Variants in PALM2AKAP2 observed in about 807,000 individuals in gnomAD.
PALM2AKAP2 encodes the protein PALM2-AKAP2 fusion protein.
A neutral mutation model predicts 71.5 loss-of-function variants in PALM2AKAP2; 37 were observed. The observed-to-expected ratio is 0.52, with a 90% CI of 0.40 to 0.68. The LOEUF (loss-of-function observed/expected upper bound fraction) is 0.68. PALM2AKAP2 is among the 30% of genes least tolerant of loss of function. The pLI, the probability that PALM2AKAP2 is intolerant of heterozygous loss-of-function variation, is 0.00. For missense variants in PALM2AKAP2, 1,224 were observed against 1,191.8 expected (o/e 1.03, Z -0.40); for synonymous variants, 468 against 478.8 (o/e 0.98, Z 0.29).
At chr9:109,827,437 C>T (rs927895624) in intron 1 of PALM2AKAP2, among the ~76,000 whole-genome samples, 3 of 152,010 alleles carry the variant, frequency 2.0e-5, no homozygotes, top group Non-Finnish European at 4.4e-5. Context: ...GGTGAAACCC[C>T]TTCCCTACTC....
At chr9:110,162,912 A>T (rs191846973) in intron 3 of PALM2AKAP2, among the ~76,000 whole-genome samples, 1 of 151,462 alleles carries the variant, frequency 6.6e-6, no homozygotes, top group African/African-American at 2.4e-5. Flanking sequence ...GGGTCTCGCT[A>T]TGTTGCCCAG....
intron 1 of PALM2AKAP2, chr9:110,125,518 G>A: frequency 2.0e-6 from 2 of 985,584 alleles, no homozygotes; most frequent in Non-Finnish European, 2.4e-6. Context: ...TGTCCAGCTT[G>A]AGCCAGGGTG....
chr9:109,682,026 A>AT (rs1827743591), intron 1 of PALM2AKAP2, among the ~76,000 whole-genome samples: 1 of 152,210 alleles, frequency 6.6e-6, no homozygotes, highest in South Asian at 2.1e-4. Flanking sequence ...GTTAAGCATC[A>AT]TAGTAGTGGT....
chr9:109,722,742 A>G (rs1415371786), intron 1 of PALM2AKAP2, among the ~76,000 whole-genome samples: 1 of 152,240 alleles, frequency 6.6e-6, no homozygotes, highest in Non-Finnish European at 1.5e-5. Context: ...ACTGCACTCC[A>G]GCCTGGTAGA....
chr9:110,147,851 A>G (rs1237548464), intron 2 of PALM2AKAP2, among the ~76,000 whole-genome samples: 1 of 152,234 alleles, frequency 6.6e-6, no homozygotes, highest in Non-Finnish European at 1.5e-5. Flanking sequence ...CCTGAAATAA[A>G]TAACCGAACA....
At chr9:109,850,107 A>T (rs1458949361) in intron 1 of PALM2AKAP2, among the ~76,000 whole-genome samples, 1 of 152,122 alleles carries the variant, frequency 6.6e-6, no homozygotes, top group East Asian at 1.9e-4. Flanking sequence ...TCAGCCACTG[A>T]GCAAGACCGA....
chr9:109,796,144 C>A (rs1017531227), intron 1 of PALM2AKAP2, among the ~76,000 whole-genome samples: 2 of 152,132 alleles, frequency 1.3e-5, no homozygotes, highest in Non-Finnish European at 2.9e-5. Context: ...TCTTGTGGAA[C>A]CTATGGGTCG....
At chr9:109,984,814 A>G (rs1817408713) in intron 6 of PALM2AKAP2, among the ~76,000 whole-genome samples, 1 of 151,980 alleles carries the variant, frequency 6.6e-6, no homozygotes, top group Admixed American at 6.6e-5. Flanking sequence ...GAGGTTTACA[A>G]AGCACTATGA....
rs1343806128 is a variant in PALM2AKAP2, at chr9:110,164,546, T to G, written c.2749-3853T>G. Among the ~76,000 whole-genome samples, 33 of 107,768 alleles carry G rather than the reference T, an allele frequency of 3.1e-4. 1 individual carries two copies. Among genetic ancestry groups the G allele is most frequent in the African/African-American group, 1.2e-3 (32 of 26,658 alleles). The allele number at this position is 107,768 out of a possible 152,430, so 70.7% of individuals were successfully genotyped here. On this transcript the variant is annotated intron_variant, in intron 3 of 3. Transcript: ENST00000374525. ...TAGTTTACTTTTTTTTTTTTTTTTT[T>G]TTGAGACACCGTCTCACTCTGTCAC...
intron 1 of PALM2AKAP2, among the ~76,000 whole-genome samples, chr9:110,132,032 CGTGTGTGTGTGT>C (rs3063946): frequency 0.042 from 6,189 of 147,502 alleles, 407 homozygotes; most frequent in African/African-American, 0.14. Context: ...AAGTAACTAG[CGTGTGTGTGTGT>C]GTGTGTGTGT....
chr9:109,908,304 A>C (rs1009858921), intron 3 of PALM2AKAP2, among the ~76,000 whole-genome samples: 2 of 152,308 alleles, frequency 1.3e-5, no homozygotes, highest in East Asian at 1.9e-4. Flanking sequence ...AATCTACCCC[A>C]AAAAGAGGAA....
At chr9:109,707,414 T>C (rs2118598437) in intron 1 of PALM2AKAP2, among the ~76,000 whole-genome samples, 1 of 152,212 alleles carries the variant, frequency 6.6e-6, no homozygotes, top group South Asian at 2.1e-4. Context: ...AATACAAAGA[T>C]ACACTTCAGA....
intron 5 of PALM2AKAP2, among the ~76,000 whole-genome samples, chr9:109,927,284 C>A (rs977242658): frequency 3.3e-5 from 5 of 152,138 alleles, no homozygotes; most frequent in Non-Finnish European, 7.3e-5. Flanking sequence ...GAAGCACATC[C>A]CAGTTGAGGG....
intron 6 of PALM2AKAP2, among the ~76,000 whole-genome samples, chr9:109,988,066 A>G (rs961805956): frequency 6.6e-6 from 1 of 152,208 alleles, no homozygotes; most frequent in South Asian, 2.1e-4. Flanking sequence ...TTTCTGCTAC[A>G]TGTCCTTTGA....
chr9:110,015,828 TAG>T (rs1329466458), intron 6 of PALM2AKAP2, 124 bp from the exon 7 acceptor site: 2 of 833,576 alleles, frequency 2.4e-6, no homozygotes, highest in African/African-American at 3.4e-5. Context: ...AAGATAGGTA[TAG>T]AGCTATAGGT....
At chr9:109,669,946 G>T (rs1827550567) in intron 1 of PALM2AKAP2, among the ~76,000 whole-genome samples, 1 of 149,284 alleles carries the variant, frequency 6.7e-6, no homozygotes, top group African/African-American at 2.5e-5. Context: ...TGTATTTTGG[G>T]TTTAATTTTT....
intron 1 of PALM2AKAP2, among the ~76,000 whole-genome samples, chr9:109,768,023 A>G (rs1349335647): frequency 2.1e-5 from 3 of 144,692 alleles, no homozygotes; most frequent in Non-Finnish European, 3.0e-5. Context: ...GAAGAAAGGA[A>G]GGAAGGAAAG....
intron 1 of PALM2AKAP2, among the ~76,000 whole-genome samples, chr9:110,049,237 C>T (rs1833661574): frequency 6.6e-6 from 1 of 152,214 alleles, no homozygotes; most frequent in African/African-American, 2.4e-5. Flanking sequence ...GTGGCCGCAT[C>T]TCCTGCCCCG....
chr9:110,080,595 A>C (rs1052313134), intron 1 of PALM2AKAP2, among the ~76,000 whole-genome samples: 1 of 152,146 alleles, frequency 6.6e-6, no homozygotes, highest in African/African-American at 2.4e-5. Flanking sequence ...CAGCCAACTG[A>C]TTTTCTGATT....
Sources: gnomAD v4.1 joint callset for allele counts (sites outside exome capture counted in the v4.1 genomes callset) on GRCh38, gnomAD v4.1.1 for gene constraint, MANE v1.5 for transcripts, NCBI Gene and HGNC (gene_info 2026-07-23, HGNC 2026-07-21) for gene names.